Variants in CACNA1B observed in about 807,000 individuals in gnomAD.
The protein encoded by CACNA1B is calcium voltage-gated channel subunit alpha1 B.
A neutral mutation model predicts 247.2 loss-of-function variants in CACNA1B; 70 were observed. The observed-to-expected ratio is 0.28, with a 90% CI of 0.23 to 0.35. CACNA1B has a LOEUF of 0.35. Ranked by LOEUF, CACNA1B falls within the 10% of genes least tolerant of loss-of-function variation. CACNA1B has a pLI of 1.00. For synonymous variants in CACNA1B, 1,231 were observed against 1,294.4 expected (o/e 0.95, Z 1.05); for missense variants, 2,367 against 3,197.4 (o/e 0.74, Z 6.26).
intron 6 of CACNA1B, among the ~76,000 whole-genome samples, chr9:137,926,949 A>G (rs749008998): frequency 1.3e-5 from 2 of 152,166 alleles, no homozygotes; most frequent in Non-Finnish European, 2.9e-5. Context: ...CTTTTCAGAT[A>G]TATGATTTAC....
At position 138,030,653 on chromosome 9, in the gene CACNA1B, A is replaced by G. The variant is rs568191589; in HGVS notation, c.3286+5481A>G. ...CTATTTTCTAGAGGAGATTATGTTG[A>G]ACTGATATTAATTCTCCTTTAAATG... On this transcript the variant is annotated intron_variant, in intron 20 of 46. Transcript: ENST00000371372. Among the ~76,000 whole-genome samples, 20 of 152,302 alleles carry G rather than the reference A, an allele frequency of 1.3e-4. No homozygotes were observed. The South Asian group carries it at 4.1e-3, about 32-fold the overall frequency.
chr9:137,886,782 C>T (rs531658288), intron 3 of CACNA1B, among the ~76,000 whole-genome samples: 7 of 152,102 alleles, frequency 4.6e-5, no homozygotes, highest in Non-Finnish European at 8.8e-5. Flanking sequence ...GGCAGGTGGA[C>T]GGATGAGTGG....
At chr9:137,976,365 C>T (rs920880583) in intron 12 of CACNA1B, among the ~76,000 whole-genome samples, 2 of 152,240 alleles carry the variant, frequency 1.3e-5, no homozygotes. Flanking sequence ...CCCAGTGGAG[C>T]TCAGGGGGGC....
At chr9:137,965,399 G>T (rs900265059) in intron 10 of CACNA1B, among the ~76,000 whole-genome samples, 1 of 152,174 alleles carries the variant, frequency 6.6e-6, no homozygotes, top group African/African-American at 2.4e-5. Context: ...CAAGTCTATT[G>T]GCCGGGCGCG....
intron 6 of CACNA1B, among the ~76,000 whole-genome samples, chr9:137,932,422 C>G (rs573069582): frequency 2.6e-5 from 4 of 152,158 alleles, no homozygotes; most frequent in Non-Finnish European, 4.4e-5. Context: ...AGGAACTGGT[C>G]CCGCACGGGA....
At chr9:137,963,247 A>T (rs1958039755) in intron 10 of CACNA1B, among the ~76,000 whole-genome samples, 1 of 152,020 alleles carries the variant, frequency 6.6e-6, no homozygotes, top group Non-Finnish European at 1.5e-5. Context: ...ATTTTCCTCC[A>T]TCCCTTTATT....
rs191962352 is a variant in CACNA1B, at chr9:137,877,990, G to A, written c.57G>A (p.Glu19=). The A allele has an allele frequency of 0.15, 171,006 of 1,151,934 alleles. 2,573 individuals carry two copies. Among genetic ancestry groups the A allele is most frequent in the Admixed American group, 0.17 (3,532 of 20,916 alleles). 71.4% of individuals were successfully genotyped at this position (1,151,934 alleles called of 1,614,324 possible). ...GGRYGGPGGG[E]RARGGGAGGA... is the part of the protein sequence containing the mutation. The stretch of plus-strand genomic sequence containing the variant: ...GCTATGGGGGCCCCGGCGGCGGAGA[G>A]CGGGCCCGGGGCGGCGGGGCCGGCG... Residue 19 remains glutamate (E), a synonymous_variant, in exon 1 of 47, where the codon GAG becomes GAA. Coordinates refer to ENST00000371372, the MANE Select transcript of CACNA1B (RefSeq NM_000718.4).
chr9:138,049,877 G>A (rs1035054219), intron 24 of CACNA1B, among the ~76,000 whole-genome samples: 1 of 152,228 alleles, frequency 6.6e-6, no homozygotes, highest in African/African-American at 2.4e-5. Context: ...TAACTGCATG[G>A]AGGGCATTGT....
At position 137,917,545 on chromosome 9, in the gene CACNA1B, A is replaced by G. The variant is rs1384178472; in HGVS notation, c.966+114A>G. 2 of 901,226 alleles carry G rather than the reference A, an allele frequency of 2.2e-6. No individual in the cohort carries two copies. Among genetic ancestry groups the G allele is most frequent in the African/African-American group, 1.7e-5 (1 of 59,690 alleles). 55.8% of individuals were successfully genotyped at this position (901,226 alleles called of 1,614,324 possible). A position where few individuals can be genotyped will look rare whatever the true frequency, so the allele number is the denominator to read the frequency against. ...GACCTCAGAGCCTCTGCCCAGCCCT[A>G]GGCTCCTCCCTGCACCCCTAGGATG... is the stretch of plus-strand genomic sequence containing the variant. On this transcript the variant is annotated intron_variant, in intron 6 of 46. Transcript: ENST00000371372. This position sits in a 1 kb window ranked among gnomAD's most constrained non-coding sequence, Gnocchi z 5.5.
Position 137,891,675 on chromosome 9 carries a change from T to C in CACNA1B, c.530+8792T>C. ...GCAGAGTTGCAGATTCACACTGAGG[T>C]GAGGATGGTTGCTAATGGCTTCTCG... On this transcript the variant is annotated intron_variant, in intron 3 of 46. Coordinates refer to ENST00000371372, the MANE Select transcript of CACNA1B (RefSeq NM_000718.4). This position sits in a 1 kb window ranked among gnomAD's most constrained non-coding sequence, Gnocchi z 4.3. 1 of 243,734 alleles carries C rather than the reference T, an allele frequency of 4.1e-6. No individual in the cohort carries two copies. Among genetic ancestry groups the C allele is most frequent in the Non-Finnish European group, 8.1e-6 (1 of 123,538 alleles). The allele number at this position is 243,734 out of a possible 1,614,324, so 15.1% of individuals were successfully genotyped here. A position where few individuals can be genotyped will look rare whatever the true frequency, so the allele number is the denominator to read the frequency against.
chr9:138,042,103 C>T (rs889317859), intron 20 of CACNA1B, among the ~76,000 whole-genome samples: 1 of 152,036 alleles, frequency 6.6e-6, no homozygotes, highest in African/African-American at 2.4e-5. Context: ...TATGGTGCTT[C>T]TTTTAAATAT....
intron 6 of CACNA1B, among the ~76,000 whole-genome samples, chr9:137,944,232 T>G (rs1284069429): frequency 6.6e-6 from 1 of 152,204 alleles, no homozygotes; most frequent in Non-Finnish European, 1.5e-5. Context: ...TGTGGGCCCA[T>G]CTGTAGCTTT....
At chr9:137,884,229 A>T (rs1209706560) in intron 3 of CACNA1B, among the ~76,000 whole-genome samples, 1 of 152,214 alleles carries the variant, frequency 6.6e-6, no homozygotes, top group Non-Finnish European at 1.5e-5. Context: ...GTCACACAGA[A>T]GGCTCAGCCC....
chr9:138,010,493 A>T lies in CACNA1B; in HGVS notation c.2160+416A>T, dbSNP rs768835575. On this transcript the variant is annotated intron_variant, in intron 17 of 46. Transcript: ENST00000371372. This position sits in a 1 kb window ranked among gnomAD's most constrained non-coding sequence, Gnocchi z 5.3. ...AGCCTGGTGGGGGATGCAATTGTACATGTCTCCCTCTGTGATATCCCTCCG... is the reference window on the plus strand; with the variant it reads ...AGCCTGGTGGGGGATGCAATTGTACTTGTCTCCCTCTGTGATATCCCTCCG... Among the ~76,000 whole-genome samples, 1 of 152,038 alleles carries T rather than the reference A, an allele frequency of 6.6e-6. No individual in the cohort carries two copies. The highest frequency in any genetic ancestry group is 1.5e-5 in the Non-Finnish European group (1 of 67,988).
intron 15 of CACNA1B, among the ~76,000 whole-genome samples, chr9:138,006,017 T>C (rs1388112911): frequency 7.5e-6 from 1 of 133,574 alleles, no homozygotes; most frequent in East Asian, 2.2e-4. Flanking sequence ...CACTCCAGCC[T>C]GGATGACAGA....
intron 6 of CACNA1B, among the ~76,000 whole-genome samples, chr9:137,942,499 A>G (rs1188615511): frequency 1.3e-5 from 2 of 152,234 alleles, no homozygotes; most frequent in Non-Finnish European, 2.9e-5. Context: ...AAAATAAGTC[A>G]TATGAAACAG....
chr9:137,942,727 C>T (rs146308230), intron 6 of CACNA1B, among the ~76,000 whole-genome samples: 7 of 152,250 alleles, frequency 4.6e-5, no homozygotes, highest in East Asian at 1.9e-4. Context: ...AATGGAAAAC[C>T]GAACGTCGTA....
intron 15 of CACNA1B, among the ~76,000 whole-genome samples, chr9:137,988,899 G>A (rs1958399094): frequency 6.6e-6 from 1 of 152,184 alleles, no homozygotes; most frequent in Non-Finnish European, 1.5e-5. Flanking sequence ...TCCCACAGGT[G>A]AATCTGGACC....
At chr9:137,940,614 AAAAAG>A (rs968427352) in intron 6 of CACNA1B, among the ~76,000 whole-genome samples, 4 of 152,214 alleles carry the variant, frequency 2.6e-5, no homozygotes, top group African/African-American at 9.6e-5. Context: ...GACATAACCA[AAAAAG>A]AAAACTACAA....
Sources: allele counts gnomAD v4.1 joint callset (sites outside exome capture counted in the v4.1 genomes callset), GRCh38; gene constraint gnomAD v4.1.1; non-coding constraint Gnocchi (gnomAD v3.1); transcripts MANE v1.5; gene names NCBI Gene and HGNC (gene_info 2026-07-23, HGNC 2026-07-21).